The following ADAMTSL1 variants were observed in gnomAD, a reference collection of about 807,000 sequenced individuals.
ADAMTSL1 encodes the protein ADAMTS-like protein 1.
Under a neutral mutation model 201.8 loss-of-function variants are expected in ADAMTSL1, and 126 were observed. The observed-to-expected ratio is 0.62, with a 90% CI of 0.54 to 0.72. The LOEUF (loss-of-function observed/expected upper bound fraction) is 0.72, where lower values mean the gene tolerates loss of function less well. Ranked by LOEUF, ADAMTSL1 falls within the 30% of genes least tolerant of loss-of-function variation. ADAMTSL1 has a pLI of 0.00. For missense variants in ADAMTSL1, 2,679 were observed against 2,277.8 expected, an observed-to-expected ratio of 1.18 and a Z score of -3.59; for synonymous variants, 1,121 against 903.4, an observed-to-expected ratio of 1.24 and a Z score of -4.32.
chr9:18,181,013 C>A (rs1828447009), intron 2 of ADAMTSL1, among the ~76,000 whole-genome samples: 1 of 152,068 alleles, frequency 6.6e-6, no homozygotes. Flanking sequence ...TTTGACAAAC[C>A]TGACAAAAAC....
At chr9:18,149,529 C>A (rs142481358) in intron 1 of ADAMTSL1, among the ~76,000 whole-genome samples, 212 of 152,150 alleles carry the variant, frequency 1.4e-3, no homozygotes, top group African/African-American at 5.0e-3. Context: ...CACAACATCA[C>A]ATCACCAGGG....
chr9:18,683,761 G>C (rs1382305595), intron 12 of ADAMTSL1, among the ~76,000 whole-genome samples: 1 of 152,202 alleles, frequency 6.6e-6, no homozygotes, highest in African/African-American at 2.4e-5. Flanking sequence ...CCACTTCAGA[G>C]AAAGAAAAGC....
chr9:18,339,458 A>G (rs1563897299), intron 2 of ADAMTSL1, among the ~76,000 whole-genome samples: 1 of 152,106 alleles, frequency 6.6e-6, no homozygotes, highest in African/African-American at 2.4e-5. Flanking sequence ...AAAATAACAG[A>G]TGGTGGTGAG....
At chr9:18,446,714 G>A (rs1045177591) in intron 2 of ADAMTSL1, among the ~76,000 whole-genome samples, 1 of 152,110 alleles carries the variant, frequency 6.6e-6, no homozygotes, top group Admixed American at 6.5e-5. Context: ...AATGCATCTG[G>A]GTGCAAACAC....
chr9:18,527,313 G>T (rs1378844560), intron 2 of ADAMTSL1, among the ~76,000 whole-genome samples: 3 of 152,136 alleles, frequency 2.0e-5, no homozygotes, highest in Non-Finnish European at 4.4e-5. Context: ...TAATATAAGT[G>T]CAATTGTCCT....
chr9:18,712,271 A>T (rs142577798), intron 14 of ADAMTSL1, among the ~76,000 whole-genome samples: 39,944 of 152,138 alleles, frequency 0.26, 5,773 homozygotes, highest in Middle Eastern at 0.33. Flanking sequence ...GAGCTGAGAG[A>T]AGAAGGCTTC....
At chr9:18,005,652 A>C (rs906613692) in intron 1 of ADAMTSL1, among the ~76,000 whole-genome samples, 2 of 152,094 alleles carry the variant, frequency 1.3e-5, no homozygotes, top group African/African-American at 4.8e-5. Flanking sequence ...AGGTAGTAAC[A>C]GATCTTTGCT....
chr9:18,639,518 C>A, intron 7 of ADAMTSL1, 107 bp downstream of exon 7: 1 of 1,306,636 alleles, frequency 7.7e-7, no homozygotes, highest in Non-Finnish European at 1.0e-6. Context: ...TTTGGAAAGC[C>A]CGTTTGTTAC....
At chr9:18,334,968 A>G (rs1162121553) in intron 2 of ADAMTSL1, among the ~76,000 whole-genome samples, 1 of 152,140 alleles carries the variant, frequency 6.6e-6, no homozygotes, top group Non-Finnish European at 1.5e-5. Context: ...ACAGAGCCTC[A>G]TGCATGTAAT....
intron 2 of ADAMTSL1, among the ~76,000 whole-genome samples, chr9:18,410,429 T>G (rs1371621462): frequency 2.0e-5 from 3 of 152,176 alleles, no homozygotes; most frequent in Admixed American, 2.0e-4. Flanking sequence ...CATGTGTCCA[T>G]GTATTCTCAT....
At chr9:18,048,032 G>T (rs907882916) in intron 1 of ADAMTSL1, among the ~76,000 whole-genome samples, 1 of 152,138 alleles carries the variant, frequency 6.6e-6, no homozygotes, top group Non-Finnish European at 1.5e-5. Context: ...TGTCAGAATT[G>T]CCCCATTTAG....
chr9:18,658,036 G>C (rs925523586), intron 8 of ADAMTSL1, among the ~76,000 whole-genome samples: 1 of 146,460 alleles, frequency 6.8e-6, no homozygotes, highest in Non-Finnish European at 1.5e-5. Flanking sequence ...GTGCAGTGGC[G>C]CCATCTCGGC....
intron 2 of ADAMTSL1, among the ~76,000 whole-genome samples, chr9:18,305,761 G>A (rs1402392419): frequency 1.3e-5 from 2 of 152,196 alleles, no homozygotes; most frequent in African/African-American, 4.8e-5. Flanking sequence ...CTTGGGGGAT[G>A]GGGTGGTTGT....
At chr9:18,388,515 C>T (rs1222807726) in intron 2 of ADAMTSL1, among the ~76,000 whole-genome samples, 1 of 152,120 alleles carries the variant, frequency 6.6e-6, no homozygotes, top group Non-Finnish European at 1.5e-5. Context: ...CTCAAGTGTT[C>T]TGCCTGCCTT....
chr9:18,263,720 G>C (rs1291821992), intron 2 of ADAMTSL1, among the ~76,000 whole-genome samples: 1 of 152,132 alleles, frequency 6.6e-6, no homozygotes, highest in Non-Finnish European at 1.5e-5. Flanking sequence ...ATAAGGGTGG[G>C]GTCCTGACAT....
rs190010555 is a variant in ADAMTSL1, at chr9:18,288,258, G to A, written c.207+124277G>A. Among the ~76,000 whole-genome samples the A allele has an allele frequency of 2.0e-5, 3 of 152,198 alleles. No individual in the cohort carries two copies. The East Asian group carries it at 5.8e-4, about 29-fold the overall frequency. On this transcript the variant is annotated intron_variant, in intron 2 of 29. Coordinates refer to the ADAMTSL1 transcript ENST00000680146. ...GACAGTTATCCAATGAGAAATCCCA[G>A]GTCAATGTCTCCGGCAGTCAAAGCA...
At chr9:18,593,450 T>G (rs1400232964) in intron 4 of ADAMTSL1, among the ~76,000 whole-genome samples, 1 of 152,094 alleles carries the variant, frequency 6.6e-6, no homozygotes, top group Non-Finnish European at 1.5e-5. Context: ...CTAATTTGTG[T>G]TTGGTTTGCT....
chr9:18,110,947 C>G (rs982215120), intron 1 of ADAMTSL1, among the ~76,000 whole-genome samples: 1 of 152,104 alleles, frequency 6.6e-6, no homozygotes, highest in Non-Finnish European at 1.5e-5. Flanking sequence ...TTAGGTGAAG[C>G]AAATACTCTT....
intron 3 of ADAMTSL1, among the ~76,000 whole-genome samples, chr9:18,563,227 A>G (rs1821650182): frequency 6.6e-6 from 1 of 152,220 alleles, no homozygotes; most frequent in Admixed American, 6.5e-5. Flanking sequence ...TGTTGATACT[A>G]TTCCTTTCTG....
Sources: gnomAD v4.1 joint callset for allele counts (sites outside exome capture counted in the v4.1 genomes callset) on GRCh38, gnomAD v4.1.1 for gene constraint, MANE v1.5 for transcripts, NCBI Gene and HGNC (gene_info 2026-07-23, HGNC 2026-07-21) for gene names.